Variants in EPG5 observed in about 807,000 individuals in gnomAD.
EPG5 encodes the protein ectopic P granules protein 5 homolog.
Under a neutral mutation model 302.7 loss-of-function variants are expected in EPG5, and 159 were observed. The ratio of observed to expected loss-of-function variants is 0.53; its 90% CI spans 0.46 to 0.60. The LOEUF (loss-of-function observed/expected upper bound fraction) is 0.60. Ranked by LOEUF, EPG5 falls within the 20% of genes least tolerant of loss-of-function variation. EPG5 has a pLI of 0.00. For missense variants in EPG5, 2,896 were observed against 3,092.4 expected, an observed-to-expected ratio of 0.94 and a Z score of 1.51; for synonymous variants, 1,158 against 1,136.8, an observed-to-expected ratio of 1.02 and a Z score of -0.37.
the EPG5 span, chr18:45,838,871 G>C: frequency 2.5e-6 from 4 of 1,587,680 alleles, no homozygotes; most frequent in Non-Finnish European, 3.4e-6. Context: ...CCGCGTGAGG[G>C]TCACGGCCAC....
chr18:45,823,552 C>T, the EPG5 span, among the ~76,000 whole-genome samples: 2,683 of 152,254 alleles, frequency 0.018, 88 homozygotes, highest in African/African-American at 0.061. Flanking sequence ...GTCATACTCC[C>T]GGCAACCCTC....
rs780437612 is a variant in EPG5 at position 45,879,003 on chromosome 18, A to T, written c.5869+10T>A. 2.5e-6 allele frequency: 4 copies of T among 1,611,388 alleles called. No homozygotes were observed. The highest frequency in any genetic ancestry group is 3.4e-6 in the Non-Finnish European group (4 of 1,177,800). ...ACACCTAGCTCCACATCGCATGAGA[A>T]GTATATTACCTGTTTTCCTGCTGGC... On this transcript the variant is annotated intron_variant, in intron 33 of 43. Transcript: ENST00000282041.
intron 34 of EPG5, 68 bp downstream of exon 34, chr18:45,878,308 C>A: frequency 9.3e-7 from 1 of 1,079,558 alleles, no homozygotes; most frequent in East Asian, 2.4e-5. Flanking sequence ...ATCACTTCTA[C>A]CAAATACCAT....
At chr18:45,828,474 G>A in the EPG5 span, among the ~76,000 whole-genome samples, 2 of 152,092 alleles carry the variant, frequency 1.3e-5, no homozygotes, top group Admixed American at 1.3e-4. Flanking sequence ...ACACTGGTCT[G>A]GGAGCTCCAA....
At position 45,907,950 on chromosome 18, in the gene EPG5, A is replaced by G; in HGVS notation, c.4329+8T>C. Reference sequence around the variant, plus strand: ...AAAAAAAAAAAAAAAGGAGGGCTATAATTTCACCTGCTGATTCTGCATCAC... The same window carrying G: ...AAAAAAAAAAAAAAAGGAGGGCTATGATTTCACCTGCTGATTCTGCATCAC... On this transcript the variant is annotated splice_region_variant and intron_variant, in intron 24 of 43. Transcript: ENST00000282041. 5 of 1,557,202 alleles carry G rather than the reference A, an allele frequency of 3.2e-6. No homozygotes were observed. Among genetic ancestry groups the G allele is most frequent in the Non-Finnish European group, 4.3e-6 (5 of 1,163,404 alleles).
At chr18:45,915,077 G>A (rs2049998197) in intron 20 of EPG5, among the ~76,000 whole-genome samples, 1 of 151,980 alleles carries the variant, frequency 6.6e-6, no homozygotes, top group South Asian at 2.1e-4. Flanking sequence ...TGAGGAGTTC[G>A]AGACCAGCCT....
chr18:45,912,076 T>C (rs988435588), intron 22 of EPG5, among the ~76,000 whole-genome samples: 3 of 152,114 alleles, frequency 2.0e-5, no homozygotes, highest in Non-Finnish European at 4.4e-5. Flanking sequence ...ACACTGGTCA[T>C]GGAAGATGGT....
chr18:45,855,451 G>T, intron 43 of EPG5, 122 bp downstream of exon 43: 2 of 644,188 alleles, frequency 3.1e-6, no homozygotes. Flanking sequence ...CACATGAAAG[G>T]GAACACTGTG....
In EPG5 at chr18:45,850,270, C is replaced by T. The variant is rs1238556915; in HGVS notation, c.*2197G>A. On this transcript the variant is annotated 3_prime_UTR_variant, in exon 44 of 44. Transcript: ENST00000282041. Reference sequence around the variant, plus strand: ...ATCACTGATTCTGAAACCACAGCCCCGTGCTCTCTGGAGGCCAACAATTTT... The same window carrying T: ...ATCACTGATTCTGAAACCACAGCCCTGTGCTCTCTGGAGGCCAACAATTTT... 2.0e-5 allele frequency: 3 copies of T among 152,312 alleles called. No individual in the cohort carries two copies. Among genetic ancestry groups the T allele is most frequent in the African/African-American group, 7.2e-5 (3 of 41,446 alleles). 9.4% of individuals were successfully genotyped at this position (152,312 alleles called of 1,614,324 possible).
chr18:45,842,215 T>C, the EPG5 span: 1 of 1,612,600 alleles, frequency 6.2e-7, no homozygotes, highest in African/African-American at 1.3e-5. Context: ...AACATCCATT[T>C]CAGCACTGTA....
chr18:45,949,790 T>C (rs1290752219), intron 4 of EPG5, among the ~76,000 whole-genome samples, 199 bp from the exon 5 acceptor site: 2 of 152,218 alleles, frequency 1.3e-5, no homozygotes, highest in Non-Finnish European at 2.9e-5. Flanking sequence ...CATAAGCAGA[T>C]TCTCTACAAA....
chr18:45,810,752 G>C, the EPG5 span, among the ~76,000 whole-genome samples: 2 of 152,158 alleles, frequency 1.3e-5, no homozygotes, highest in Admixed American at 6.5e-5. Flanking sequence ...CTGCACCCTA[G>C]CCTAGGTGAC....
Position 45,860,200 on chromosome 18 carries a change from C to T in EPG5, c.6913G>A (p.Val2305Met). The part of the protein sequence containing the change: ...WIGQKMHGLV[V>M]LPLLTAACQS... ...CAGGCTGCTGTTAAAAGGGGCAGCA[C>T]CACCAGCCCATGCATTTTTTGGCCA... Residue 2305 changes from valine (V) to methionine (M), a missense_variant, in exon 40 of 44, where the codon GTG becomes ATG. Physicochemically the swap from Val to Met is conservative, Grantham distance 21 (BLOSUM62 1). This residue lies in a region of EPG5 where 620 missense variants were observed against 704.2 expected (regional missense o/e 0.88). Transcript: ENST00000282041. 1.2e-6 allele frequency: 2 copies of T among 1,614,228 alleles called. No homozygotes were observed. The highest frequency in any genetic ancestry group is 1.7e-6 in the Non-Finnish European group (2 of 1,180,040).
chr18:45,862,011 C>A (rs1276428324), intron 39 of EPG5, among the ~76,000 whole-genome samples: 1 of 152,050 alleles, frequency 6.6e-6, no homozygotes, highest in Non-Finnish European at 1.5e-5. Flanking sequence ...CCTGTTTTAG[C>A]TTGAAAACTA....
intron 30 of EPG5, among the ~76,000 whole-genome samples, chr18:45,883,418 T>C (rs1210968147): frequency 6.6e-6 from 1 of 151,652 alleles, no homozygotes; most frequent in African/African-American, 2.4e-5. Context: ...TCCTCCATTA[T>C]AGGCTGAGAT....
At chr18:45,831,240 C>G in the EPG5 span, among the ~76,000 whole-genome samples, 1 of 152,218 alleles carries the variant, frequency 6.6e-6, no homozygotes, top group Non-Finnish European at 1.5e-5. Flanking sequence ...TGTGATGGCT[C>G]AAAGCCTTCT....
At chr18:45,868,971 C>A (rs192078103) in intron 36 of EPG5, among the ~76,000 whole-genome samples, 1 of 150,390 alleles carries the variant, frequency 6.6e-6, no homozygotes, top group Non-Finnish European at 1.5e-5. Flanking sequence ...AGGAGAATGG[C>A]GAGAACCTGG....
In EPG5 at chr18:45,897,618, G is replaced by C. The variant is rs541548952; in HGVS notation, c.4809+1786C>G. Among the ~76,000 whole-genome samples the C allele has an allele frequency of 2.3e-3, 347 of 152,258 alleles. 2 individuals are homozygous for C. The highest frequency in any genetic ancestry group is 6.0e-3 in the African/African-American group (251 of 41,548). On this transcript the variant is annotated intron_variant, in intron 27 of 43. Coordinates refer to ENST00000282041, the MANE Select transcript of EPG5 (RefSeq NM_020964.3). The stretch of plus-strand genomic sequence containing the variant: ...CAACTGTATAAAGCACCTGGCCAAA[G>C]ATAACTCAATGTTTAAGAGTCGCAC...
At chr18:45,811,998 G>A in the EPG5 span, among the ~76,000 whole-genome samples, 1 of 152,208 alleles carries the variant, frequency 6.6e-6, no homozygotes, top group Non-Finnish European at 1.5e-5. Context: ...CAGATGACAT[G>A]ATTGTATATC....
Sources: gnomAD v4.1 joint callset for allele counts (sites outside exome capture counted in the v4.1 genomes callset) on GRCh38, gnomAD v4.1.1 for gene constraint, gnomAD v4.1.1 regional missense constraint, MANE v1.5 for transcripts, NCBI Gene and HGNC (gene_info 2026-07-23, HGNC 2026-07-21) for gene names.